The following RYR3 variants were observed in gnomAD, a reference collection of about 807,000 sequenced individuals.
RYR3 encodes the protein ryanodine receptor 3.
In RYR3, 207 loss-of-function variants were observed where a neutral mutation model predicts 584.3. That is an observed-to-expected ratio of 0.35 (90% confidence interval 0.32 to 0.40). RYR3 has a LOEUF of 0.40. Among genes scored for constraint, RYR3 ranks in the 10% least tolerant of loss-of-function variants. RYR3 has a pLI of 1.00. For missense variants in RYR3, 5,616 were observed against 6,089.2 expected (o/e 0.92, Z 2.59); for synonymous variants, 2,416 against 2,248.5 (o/e 1.07, Z -2.11).
At chr15:33,415,381 C>T (rs1038775303) in intron 1 of RYR3, among the ~76,000 whole-genome samples, 4 of 152,000 alleles carry the variant, frequency 2.6e-5, no homozygotes, top group Non-Finnish European at 5.9e-5. Flanking sequence ...CCATATTTTC[C>T]CTTTTCTCTT....
At chr15:33,637,895 G>A (rs1030746181) in intron 27 of RYR3, among the ~76,000 whole-genome samples, 1 of 152,038 alleles carries the variant, frequency 6.6e-6, no homozygotes, top group South Asian at 2.1e-4. Context: ...TTGGTGTGCT[G>A]CACCCATTAA....
rs1332664256 is a variant in RYR3 at position 33,313,587 on chromosome 15, T to G, written c.51+2491T>G. Among the ~76,000 whole-genome samples, 4 of 152,224 alleles carry G rather than the reference T, an allele frequency of 2.6e-5. No homozygotes were observed. The East Asian group carries it at 7.7e-4, about 29-fold the overall frequency. On this transcript the variant is annotated intron_variant, in intron 1 of 103. Transcript: ENST00000634891. ...CTGGGTATGTCTGGGTTAGGGAAGC[T>G]ATTTCACTTTGAACTCACTCAGTTA... is the stretch of plus-strand genomic sequence containing the variant.
chr15:33,837,168 G>C (rs1429670906), intron 88 of RYR3, among the ~76,000 whole-genome samples, 181 bp downstream of exon 88: 1 of 152,218 alleles, frequency 6.6e-6, no homozygotes, highest in Non-Finnish European at 1.5e-5. Flanking sequence ...GACGAAGCCT[G>C]AAATCAATTG....
chr15:33,630,906 A>G (rs990071527), intron 22 of RYR3, among the ~76,000 whole-genome samples: 1 of 152,210 alleles, frequency 6.6e-6, no homozygotes, highest in African/African-American at 2.4e-5. Context: ...ATTATGGCCC[A>G]TGGGACAATC....
intron 1 of RYR3, among the ~76,000 whole-genome samples, chr15:33,408,825 A>C (rs1014886671): frequency 3.9e-5 from 6 of 152,198 alleles, no homozygotes; most frequent in African/African-American, 1.4e-4. Context: ...AGAGGACATA[A>C]AATTTTAGTA....
chr15:33,432,697 T>TGTGTGC (rs1555469372), intron 1 of RYR3, among the ~76,000 whole-genome samples: 2 of 148,904 alleles, frequency 1.3e-5, no homozygotes, highest in Non-Finnish European at 3.0e-5. Flanking sequence ...TGTGTGTGTG[T>TGTGTGC]TTAAAGTAGA....
At chr15:33,614,748 C>G (rs2060366896) in intron 19 of RYR3, among the ~76,000 whole-genome samples, 1 of 151,802 alleles carries the variant, frequency 6.6e-6, no homozygotes, top group Admixed American at 6.6e-5. Context: ...TTATTGGTTT[C>G]AAATATTTCT....
intron 2 of RYR3, among the ~76,000 whole-genome samples, chr15:33,477,768 G>A (rs1229306788): frequency 2.2e-5 from 3 of 139,076 alleles, no homozygotes; most frequent in Non-Finnish European, 4.5e-5. Context: ...CCAGCTACTC[G>A]GGAGGCTGAG....
intron 27 of RYR3, among the ~76,000 whole-genome samples, chr15:33,640,177 A>G (rs765236771): frequency 1.3e-5 from 2 of 152,204 alleles, no homozygotes; most frequent in African/African-American, 4.8e-5. Flanking sequence ...TAGGCACAAA[A>G]TGAAACTTAT....
intron 42 of RYR3, among the ~76,000 whole-genome samples, chr15:33,701,748 T>A (rs886909713): frequency 3.3e-5 from 5 of 151,974 alleles, no homozygotes. Flanking sequence ...CACCTGAGCC[T>A]GACTAGGGGA....
At chr15:33,858,009 TGA>T in intron 99 of RYR3, 95 bp downstream of exon 99, 10 of 1,508,688 alleles carry the variant, frequency 6.6e-6, no homozygotes, top group Non-Finnish European at 9.0e-6. Flanking sequence ...GGGGTGCTCT[TGA>T]GAACTGTAGA....
At chr15:33,538,047 A>G (rs893497800) in intron 5 of RYR3, among the ~76,000 whole-genome samples, 5 of 151,694 alleles carry the variant, frequency 3.3e-5, no homozygotes, top group African/African-American at 1.2e-4. Context: ...GGGATCCTTC[A>G]TAGATACTAA....
intron 19 of RYR3, among the ~76,000 whole-genome samples, chr15:33,623,541 G>A (rs1246900131): frequency 6.6e-6 from 1 of 152,066 alleles, no homozygotes; most frequent in Non-Finnish European, 1.5e-5. Flanking sequence ...AGATAAACTT[G>A]GTTCTAAAAA....
Position 33,738,578 on chromosome 15 carries a change from G to C in RYR3, c.7644G>C (p.Ser2548=), listed in dbSNP as rs763362837. ...AGCTTTTCTGGGGGATTTTTGACTCGCTCTCCCATAAGGTAATGACAGTAC... is the reference window on the plus strand; with the variant it reads ...AGCTTTTCTGGGGGATTTTTGACTCCCTCTCCCATAAGGTAATGACAGTAC... ...TEKLFWGIFD[S]LSHKKYDPDL... is the part of the protein sequence containing the mutation. The change falls in exon 50 of 104, where the codon TCG becomes TCC. Residue 2548 remains serine, a synonymous_variant. Coordinates refer to ENST00000634891, the MANE Select transcript of RYR3 (RefSeq NM_001036.6). 1.2e-6 allele frequency: 2 copies of C among 1,613,748 alleles called. No individual in the cohort carries two copies. The highest frequency in any genetic ancestry group is 2.7e-5 in the African/African-American group (2 of 74,884).
intron 27 of RYR3, among the ~76,000 whole-genome samples, chr15:33,641,594 A>G (rs957729436): frequency 6.6e-6 from 1 of 152,192 alleles, no homozygotes; most frequent in Non-Finnish European, 1.5e-5. Flanking sequence ...TTTCTCCAAG[A>G]GAAAGCGCTG....
chr15:33,503,855 A>G, intron 3 of RYR3, 117 bp downstream of exon 3: 2 of 650,934 alleles, frequency 3.1e-6, no homozygotes, highest in East Asian at 2.7e-5. Flanking sequence ...GATGATTCAT[A>G]TGGAGATAGT....
In RYR3 at chr15:33,623,791, T is replaced by C. The variant is rs572759083; in HGVS notation, c.2358-16T>C. 4 of 1,557,408 alleles carry C rather than the reference T, an allele frequency of 2.6e-6. No homozygotes were observed. Among genetic ancestry groups the C allele is most frequent in the South Asian group, 1.1e-5 (1 of 89,446 alleles). On this transcript the variant is annotated splice_polypyrimidine_tract_variant and intron_variant, in intron 19 of 103. Coordinates refer to ENST00000634891, the MANE Select transcript of RYR3 (RefSeq NM_001036.6). ...TTTTTTTTAACCTCTGTATTTCTGC[T>C]ATCTTCAAATGACAGAGTACGTTTC...
At position 33,838,386 on chromosome 15, in the gene RYR3, C is replaced by T; in HGVS notation, c.12406C>T (p.Leu4136Phe). Reference protein sequence around the residue: ...IAGEEEEDGSLEPASAFAMAC... With the variant: ...IAGEEEEDGSFEPASAFAMAC... ...GGGTGAAGAGGAAGAAGACGGGTCT[C>T]TTGAGCCGGCCTCTGCATTTGCTAT... The change falls in exon 89 of 104, where the codon CTT becomes TTT. Residue 4136 changes from leucine to phenylalanine, a missense_variant. By Grantham distance (22) the Leu-to-Phe change is conservative. Transcript: ENST00000634891. 1 of 1,613,986 alleles carries T rather than the reference C, an allele frequency of 6.2e-7. No homozygotes were observed. The highest frequency in any genetic ancestry group is 1.1e-5 in the South Asian group (1 of 91,082).
chr15:33,799,331 C>T (rs1055703378), intron 67 of RYR3, among the ~76,000 whole-genome samples: 2 of 152,148 alleles, frequency 1.3e-5, no homozygotes, highest in African/African-American at 4.8e-5. Context: ...TTCAGCCCCA[C>T]CACCATTTAC....
Sources: allele counts gnomAD v4.1 joint callset (sites outside exome capture counted in the v4.1 genomes callset), GRCh38; gene constraint gnomAD v4.1.1; transcripts MANE v1.5; gene names NCBI Gene and HGNC (gene_info 2026-07-23, HGNC 2026-07-21).